Variants in KCNIP4 observed in about 807,000 individuals in gnomAD.
The protein encoded by KCNIP4 is Kv channel-interacting protein 4.
A neutral mutation model predicts 34.0 loss-of-function variants in KCNIP4; 12 were observed. The observed-to-expected ratio is 0.35, with a 90% confidence interval of 0.23 to 0.57. The LOEUF (loss-of-function observed/expected upper bound fraction) is 0.57, where lower values mean the gene tolerates loss of function less well. KCNIP4 is among the 20% of genes least tolerant of loss of function. KCNIP4 has a pLI of 0.83. For missense variants in KCNIP4, 238 were observed against 311.7 expected (o/e 0.76, Z 1.78); for synonymous variants, 124 against 102.2 (o/e 1.21, Z -1.29).
intron 1 of KCNIP4, among the ~76,000 whole-genome samples, chr4:21,835,487 T>C (rs1723261186): frequency 7.4e-6 from 1 of 136,052 alleles, no homozygotes; most frequent in Non-Finnish European, 1.6e-5. Flanking sequence ...ACCCTGTGAA[T>C]CAATCCAAGC....
chr4:20,731,043 C>A (rs1228208576), intron 8 of KCNIP4, among the ~76,000 whole-genome samples: 1 of 152,100 alleles, frequency 6.6e-6, no homozygotes, highest in Non-Finnish European at 1.5e-5. Flanking sequence ...AAAGAAACAA[C>A]GGATTTCTTT....
intron 1 of KCNIP4, among the ~76,000 whole-genome samples, chr4:21,083,977 G>A (rs1746211055): frequency 6.6e-6 from 1 of 151,832 alleles, no homozygotes; most frequent in Non-Finnish European, 1.5e-5. Flanking sequence ...TGAGGGTCCT[G>A]CAGTCTTTTT....
At chr4:21,251,636 C>A (rs1760705759) in intron 1 of KCNIP4, among the ~76,000 whole-genome samples, 1 of 151,958 alleles carries the variant, frequency 6.6e-6, no homozygotes, top group Non-Finnish European at 1.5e-5. Context: ...GAGTAGGTAG[C>A]CTACAGAAAA....
chr4:21,621,255 C>T (rs143232768), intron 1 of KCNIP4, among the ~76,000 whole-genome samples: 1,531 of 152,290 alleles, frequency 0.01, 15 homozygotes, highest in Non-Finnish European at 0.014. Flanking sequence ...GTCTGCCACA[C>T]CTAAATAAAC....
intron 1 of KCNIP4, among the ~76,000 whole-genome samples, chr4:21,178,601 G>A (rs1754608527): frequency 1.4e-5 from 2 of 146,210 alleles, no homozygotes; most frequent in African/African-American, 2.8e-5. Context: ...GGAAATAATA[G>A]GCATGTGATT....
rs562733667 is a variant in KCNIP4 at position 21,285,763 on chromosome 4, C to A, written c.62-403054G>T. ...GGCTGAGGCAGGAGAATCACTTGAA[C>A]CCAGGAGGCAGAGGTTGCACTCAAC... On this transcript the variant is annotated intron_variant, in intron 1 of 8. Coordinates refer to ENST00000382152, the MANE Select transcript of KCNIP4 (RefSeq NM_025221.6). Among the ~76,000 whole-genome samples the A allele has an allele frequency of 4.6e-5, 7 of 152,186 alleles. No homozygotes were observed. The East Asian group carries it at 1.4e-3, about 29-fold the overall frequency.
At chr4:21,436,738 T>TAAGATTCTAAAGAGA (rs1726973224) in intron 1 of KCNIP4, among the ~76,000 whole-genome samples, 1 of 152,198 alleles carries the variant, frequency 6.6e-6, no homozygotes, top group African/African-American at 2.4e-5. Flanking sequence ...AGAGAGTTCT[T>TAAGATTCTAAAGAGA]GTAAAGGTGA....
chr4:21,869,954 C>T (rs1725684558), intron 1 of KCNIP4, among the ~76,000 whole-genome samples: 1 of 152,128 alleles, frequency 6.6e-6, no homozygotes, highest in South Asian at 2.1e-4. Context: ...GAAATACCTG[C>T]ATATTCTGTC....
intron 1 of KCNIP4, among the ~76,000 whole-genome samples, chr4:21,185,442 T>G: frequency 6.6e-6 from 1 of 151,872 alleles, no homozygotes; most frequent in Non-Finnish European, 1.5e-5. Context: ...CCTCTTCTTT[T>G]TCTTCCTCCT....
rs1739349028 is a variant in KCNIP4, at chr4:21,559,509, A to ACACATTGAT, written c.61+389061_61+389062insATCAATGTG. 4.6e-5 allele frequency among the ~76,000 whole-genome samples: 7 copies of ACACATTGAT among 152,212 alleles called. No individual in the cohort carries two copies. In the South Asian group the frequency reaches 1.5e-3, roughly 32 times the overall value. ...ACTAATTGATGGCATCTGTCCCTTA[A>ACACATTGAT]GGAGTTCGGAGTATACAGAAGGACA... is the stretch of plus-strand genomic sequence containing the variant. On this transcript the variant is annotated intron_variant, in intron 1 of 8. Transcript: ENST00000382152.
At chr4:21,627,641 G>T (rs1328681309) in intron 1 of KCNIP4, among the ~76,000 whole-genome samples, 2 of 152,122 alleles carry the variant, frequency 1.3e-5, no homozygotes, top group African/African-American at 2.4e-5. Flanking sequence ...TGATTCTCAA[G>T]AAATTTTCCA....
At chr4:21,505,381 T>C (rs1733756128) in intron 1 of KCNIP4, among the ~76,000 whole-genome samples, 1 of 152,220 alleles carries the variant, frequency 6.6e-6, no homozygotes, top group Non-Finnish European at 1.5e-5. Flanking sequence ...TGAAAGAACT[T>C]TGTGACAGTC....
chr4:21,374,188 A>G (rs1720754140), intron 1 of KCNIP4, among the ~76,000 whole-genome samples: 1 of 147,122 alleles, frequency 6.8e-6, no homozygotes. Context: ...AGGTGAGTGT[A>G]TTAGTTCATT....
At chr4:21,574,162 C>A (rs773680218) in intron 1 of KCNIP4, among the ~76,000 whole-genome samples, 5 of 151,950 alleles carry the variant, frequency 3.3e-5, no homozygotes, top group Non-Finnish European at 5.9e-5. Flanking sequence ...CACAAGAGAA[C>A]CATGCATCTT....
intron 2 of KCNIP4, among the ~76,000 whole-genome samples, chr4:20,864,254 GCA>G (rs974679103): frequency 4.4e-4 from 66 of 149,812 alleles, no homozygotes; most frequent in African/African-American, 1.4e-3. Context: ...ATGTATATAT[GCA>G]CACATATGTA....
intron 1 of KCNIP4, among the ~76,000 whole-genome samples, chr4:20,968,154 C>CA (rs1486661281): frequency 6.6e-6 from 1 of 152,196 alleles, no homozygotes; most frequent in Admixed American, 6.5e-5. Context: ...GACATTTATG[C>CA]AGCCAAAAGA....
chr4:21,390,052 GTGA>G (rs1282944621), intron 1 of KCNIP4, among the ~76,000 whole-genome samples: 1 of 149,534 alleles, frequency 6.7e-6, no homozygotes, highest in Non-Finnish European at 1.5e-5. Flanking sequence ...CTGATGGCCA[GTGA>G]TGATGAGCAT....
At chr4:20,806,395 C>A (rs1491365) in intron 3 of KCNIP4, among the ~76,000 whole-genome samples, 1 of 151,950 alleles carries the variant, frequency 6.6e-6, no homozygotes, top group East Asian at 1.9e-4. Context: ...TACTTCAATG[C>A]ATTTTACTCA....
chr4:21,116,026 T>C (rs555710414), intron 1 of KCNIP4, among the ~76,000 whole-genome samples: 15 of 152,310 alleles, frequency 9.8e-5, no homozygotes, highest in African/African-American at 3.6e-4. Flanking sequence ...TCGGAATACT[T>C]CACTTTCCTT....
Sources: gnomAD v4.1 joint callset for allele counts (sites outside exome capture counted in the v4.1 genomes callset) on GRCh38, gnomAD v4.1.1 for gene constraint, MANE v1.5 for transcripts, NCBI Gene and HGNC (gene_info 2026-07-23, HGNC 2026-07-21) for gene names.